Variants in TCP1 observed in about 807,000 individuals in gnomAD.
The protein encoded by TCP1 is T-complex protein 1 subunit alpha.
A neutral mutation model predicts 54.7 loss-of-function variants in TCP1; 6 were observed. That is an observed-to-expected ratio of 0.11 (90% CI 0.06 to 0.22). The LOEUF (loss-of-function observed/expected upper bound fraction) is 0.22. Among genes scored for constraint, TCP1 ranks in the 10% least tolerant of loss-of-function variants. The probability of loss-of-function intolerance (pLI) is 1.00; values close to 1 mark genes in which losing one functional copy is unlikely to be tolerated. For missense variants in TCP1, 511 were observed against 678.2 expected (o/e 0.75, Z 2.74); for synonymous variants, 225 against 229.7 (o/e 0.98, Z 0.19).
chr6:159,786,267 T>C (rs950267884), intron 3 of TCP1, among the ~76,000 whole-genome samples: 10 of 152,110 alleles, frequency 6.6e-5, no homozygotes, highest in African/African-American at 2.4e-4. Flanking sequence ...GTAACGCTGA[T>C]GGGGGGAGGA....
In TCP1 at chr6:159,778,925, C is replaced by T; in HGVS notation, c.*120G>A. On this transcript the variant is annotated 3_prime_UTR_variant, in exon 12 of 12. Coordinates refer to ENST00000321394, the MANE Select transcript of TCP1 (RefSeq NM_030752.3). The stretch of plus-strand genomic sequence containing the variant: ...CAGAGGACCAAAGTACAGATGGAAA[C>T]CATTTCCTACATCACAAAAACCCAA... 1 of 1,568,910 alleles carries T rather than the reference C, an allele frequency of 6.4e-7. No homozygotes were observed. Among genetic ancestry groups the T allele is most frequent in the East Asian group, 2.3e-5 (1 of 44,432 alleles).
At position 159,787,839 on chromosome 6, in the gene TCP1, G is replaced by T. The variant is rs761489673; in HGVS notation, c.183C>A (p.Ile61=). The change falls in exon 3 of 12, where the codon ATC becomes ATA. Residue 61 remains isoleucine (I), a synonymous_variant. Transcript: ENST00000321394. ...GATGTTCTACCTCCAGTAACTTCAG[G>T]ATGGTTGCACCATCGTTAGTAATGG... ...DVTITNDGAT[I]LKLLEVEHPA... is the part of the protein sequence containing the mutation. The T allele has an allele frequency of 2.5e-6, 4 of 1,614,110 alleles. No homozygotes were observed. The East Asian group carries it at 8.9e-5, about 36-fold the overall frequency.
chr6:159,784,960 A>C (rs1420754826), intron 5 of TCP1, 113 bp from the exon 6 acceptor site: 1 of 983,866 alleles, frequency 1.0e-6, no homozygotes, highest in Non-Finnish European at 1.6e-6. Flanking sequence ...CTATTAAAGC[A>C]GCAAGCATTA....
Position 159,780,454 on chromosome 6 carries a change from G to T in TCP1, c.1086C>A (p.Ile362=), listed in dbSNP as rs747455768. ...AAAGTGGCTCTTACTTTTTGATTAAGATCAGCTCATCATCACAAATTCTCT... is the reference window on the plus strand; with the variant it reads ...AAAGTGGCTCTTACTTTTTGATTAATATCAGCTCATCATCACAAATTCTCT... ...VQERICDDEL[I]LIKNTKARTS... is the part of the protein sequence containing the mutation. The change falls in exon 9 of 12, where the codon ATC becomes ATA. Residue 362 remains isoleucine, a synonymous_variant. Coordinates refer to ENST00000321394, the MANE Select transcript of TCP1 (RefSeq NM_030752.3). 9.3e-6 allele frequency: 15 copies of T among 1,613,740 alleles called. No individual in the cohort carries two copies. The South Asian group carries it at 1.3e-4, about 14-fold the overall frequency.
At chr6:159,787,572 T>C (rs1033439556) in intron 3 of TCP1, among the ~76,000 whole-genome samples, 171 bp downstream of exon 3, 1 of 150,524 alleles carries the variant, frequency 6.6e-6, no homozygotes, top group South Asian at 2.1e-4. Context: ...AGAAGCTTAT[T>C]TCCCCTCTTA....
rs1780486764 is a variant in TCP1 at position 159,778,568 on chromosome 6, T to G, written c.*477A>C. On this transcript the variant is annotated 3_prime_UTR_variant, in exon 12 of 12. Coordinates refer to ENST00000321394, the MANE Select transcript of TCP1 (RefSeq NM_030752.3). ...AAAATTTGAGTTTGAAAGGGTAGCA[T>G]GCTGATACATTAAGAGGAAAAAGAC... is the stretch of plus-strand genomic sequence containing the variant. 1 of 1,401,214 alleles carries G rather than the reference T, an allele frequency of 7.1e-7. No individual in the cohort carries two copies. The highest frequency in any genetic ancestry group is 1.4e-5 in the African/African-American group (1 of 70,168). The allele number at this position is 1,401,214 out of a possible 1,614,324, so 86.8% of individuals were successfully genotyped here.
In TCP1 at chr6:159,779,827, G is replaced by GGAAAAAAAAAATTGA. The variant is rs1562481841; in HGVS notation, c.1291-52_1291-38dup. On this transcript the variant is annotated intron_variant, in intron 10 of 11. Coordinates refer to ENST00000321394, the MANE Select transcript of TCP1 (RefSeq NM_030752.3). Reference sequence around the variant, plus strand: ...AGAAAATTAGGTGACTTCACAAAAGGGAAAAAAAAAATTGAAGTCCACAGC... The same window carrying GGAAAAAAAAAATTGA: ...AGAAAATTAGGTGACTTCACAAAAGGGAAAAAAAAAATTGAGAAAAAAAAAATTGAAGTCCACAGC... 19 of 1,582,910 alleles carry GGAAAAAAAAAATTGA rather than the reference G, an allele frequency of 1.2e-5. 1 individual carries two copies. The African/African-American group carries it at 1.9e-4, about 16-fold the overall frequency.
chr6:159,779,737 A>G lies in TCP1; in HGVS notation c.1344T>C (p.Ile448=). The G allele has an allele frequency of 6.2e-7, 1 of 1,612,300 alleles. No individual in the cohort carries two copies. Residue 448 remains isoleucine (I), a synonymous_variant, in exon 11 of 12, where the codon ATT becomes ATC. Transcript: ENST00000321394. The part of the protein sequence containing the change: ...IAEFARSLLV[I]PNTLAVNAAQ... Reference sequence around the variant, plus strand: ...CAGCATTAACTGCTAGTGTATTGGGAATAACAAGAAGTGATCTTGCAAACT... The same window carrying G: ...CAGCATTAACTGCTAGTGTATTGGGGATAACAAGAAGTGATCTTGCAAACT...
At chr6:159,785,261 G>A in intron 5 of TCP1, 125 bp downstream of exon 5, 1 of 741,258 alleles carries the variant, frequency 1.3e-6, no homozygotes, top group Non-Finnish European at 2.3e-6. Context: ...TGGCACTCCT[G>A]GGTTCAATTA....
chr6:159,782,601 G>A (rs1041959823), intron 7 of TCP1, among the ~76,000 whole-genome samples: 10 of 152,190 alleles, frequency 6.6e-5, no homozygotes, highest in African/African-American at 2.4e-4. Context: ...TTTTCTGCCT[G>A]TGTGAAGGAC....
intron 11 of TCP1, 34 bp downstream of exon 11, chr6:159,779,593 C>A: frequency 6.4e-7 from 1 of 1,573,948 alleles, no homozygotes; most frequent in Non-Finnish European, 8.6e-7. Context: ...ACCTGTTCTG[C>A]AGAGGTTAAC....
chr6:159,788,350 G>A lies in TCP1; in HGVS notation c.65-207C>T, dbSNP rs1780749047. 1.2e-5 allele frequency: 6 copies of A among 502,370 alleles called. No homozygotes were observed. In the South Asian group the frequency reaches 1.3e-4, roughly 11 times the overall value. The allele number at this position is 502,370 out of a possible 1,614,324, so 31.1% of individuals were successfully genotyped here. On this transcript the variant is annotated intron_variant, in intron 1 of 11. Coordinates refer to ENST00000321394, the MANE Select transcript of TCP1 (RefSeq NM_030752.3). Reference sequence around the variant, plus strand: ...CACAGGTGTAATCCCAACACTGCGAGGCCGAGGCAGGAGGATCGCTTGATG... The same window carrying A: ...CACAGGTGTAATCCCAACACTGCGAAGCCGAGGCAGGAGGATCGCTTGATG...
intron 7 of TCP1, among the ~76,000 whole-genome samples, chr6:159,783,666 G>C (rs1780627833): frequency 6.6e-6 from 1 of 152,088 alleles, no homozygotes; most frequent in African/African-American, 2.4e-5. Flanking sequence ...CCAGTATCTA[G>C]CAAACAGTAG....
chr6:159,783,058 G>C lies in TCP1; in HGVS notation c.797+883C>G, dbSNP rs558719692. Reference sequence around the variant, plus strand: ...ACCACTCATGACATCTGCCTGTAAAGATGTACGATAGGGAGTACCTATAGC... The same window carrying C: ...ACCACTCATGACATCTGCCTGTAAACATGTACGATAGGGAGTACCTATAGC... On this transcript the variant is annotated intron_variant, in intron 7 of 11. Transcript: ENST00000321394. Among the ~76,000 whole-genome samples the C allele has an allele frequency of 6.6e-5, 10 of 152,276 alleles. No homozygotes were observed. The East Asian group carries it at 1.7e-3, about 26-fold the overall frequency.
intron 3 of TCP1, among the ~76,000 whole-genome samples, 191 bp from the exon 4 acceptor site, chr6:159,786,188 A>G (rs779846952): frequency 7.2e-5 from 11 of 152,238 alleles, no homozygotes; most frequent in Non-Finnish European, 1.3e-4. Flanking sequence ...CACGTTACTC[A>G]TAAATTCTTG....
chr6:159,781,920 G>GTTT (rs1780587272), intron 7 of TCP1, among the ~76,000 whole-genome samples: 1 of 152,298 alleles, frequency 6.6e-6, no homozygotes, highest in African/African-American at 2.4e-5. Context: ...TATCATCTGT[G>GTTT]TTTTCAAAAG....
In TCP1 at chr6:159,779,683, T is replaced by C; in HGVS notation, c.1398A>G (p.Lys466=). The C allele has an allele frequency of 6.2e-7, 1 of 1,612,962 alleles. No individual in the cohort carries two copies. The highest frequency in any genetic ancestry group is 8.5e-7 in the Non-Finnish European group (1 of 1,179,758). The change falls in exon 11 of 12, where the codon AAA becomes AAG. Residue 466 remains lysine, a synonymous_variant. Coordinates refer to ENST00000321394, the MANE Select transcript of TCP1 (RefSeq NM_030752.3). The part of the protein sequence containing the change: ...AAQDSTDLVA[K]LRAFHNEAQV... ...GGGCCTCATTATGAAAAGCTCTTAA[T>C]TTTGCAACCAGATCTGTGGAGTCCT... is the stretch of plus-strand genomic sequence containing the variant.
chr6:159,782,223 A>G (rs571753143), intron 7 of TCP1, among the ~76,000 whole-genome samples: 4 of 152,346 alleles, frequency 2.6e-5, no homozygotes, highest in South Asian at 4.1e-4. Context: ...TGAAGAGTCA[A>G]TATGAGTGAA....
rs747992637 is a variant in TCP1 at position 159,779,875 on chromosome 6, C to T, written c.1290+20G>A. On this transcript the variant is annotated intron_variant, in intron 10 of 11. Transcript: ENST00000321394. Reference sequence around the variant, plus strand: ...AGCTACTGCTCTCAGGCCTCTAAGACAAGAAATGACTGTTCTTACCATGCT... The same window carrying T: ...AGCTACTGCTCTCAGGCCTCTAAGATAAGAAATGACTGTTCTTACCATGCT... The T allele has an allele frequency of 2.1e-5, 34 of 1,611,342 alleles. 1 individual carries two copies. The South Asian group carries it at 3.4e-4, about 16-fold the overall frequency.
Sources: gnomAD v4.1 joint callset for allele counts (sites outside exome capture counted in the v4.1 genomes callset) on GRCh38, gnomAD v4.1.1 for gene constraint, MANE v1.5 for transcripts, NCBI Gene and HGNC (gene_info 2026-07-23, HGNC 2026-07-21) for gene names.